The following PRKG1 variants were observed in gnomAD, a reference collection of about 807,000 sequenced individuals.
PRKG1 encodes the protein protein kinase cGMP-dependent 1.
In PRKG1, 35 loss-of-function variants were observed where a neutral mutation model predicts 88.1. The ratio of observed to expected loss-of-function variants is 0.40; its 90% CI spans 0.30 to 0.53. The LOEUF (loss-of-function observed/expected upper bound fraction) is 0.53. Ranked by LOEUF, PRKG1 falls within the 20% of genes least tolerant of loss-of-function variation. The pLI is 0.59. For synonymous variants in PRKG1, 303 were observed against 292.5 expected, an observed-to-expected ratio of 1.04 and a Z score of -0.37; for missense variants, 540 against 839.8, an observed-to-expected ratio of 0.64 and a Z score of 4.41.
chr10:51,446,271 A>G (rs1839270267), intron 2 of PRKG1, among the ~76,000 whole-genome samples: 1 of 151,926 alleles, frequency 6.6e-6, no homozygotes, highest in South Asian at 2.1e-4. Context: ...TCTTTTAACT[A>G]GAAGTGTTCC....
rs1235425100 is a variant in PRKG1 at position 51,669,170 on chromosome 10, T to C, written c.593-135415T>C. Reference sequence around the variant, plus strand: ...CTTCAGCTGCTTTAACAAAATATCATAGACTGGGCGACTTAAACAACAGCC... The same window carrying C: ...CTTCAGCTGCTTTAACAAAATATCACAGACTGGGCGACTTAAACAACAGCC... On this transcript the variant is annotated intron_variant, in intron 3 of 17. Coordinates refer to ENST00000373980, the MANE Select transcript of PRKG1 (RefSeq NM_006258.4). Among the ~76,000 whole-genome samples the C allele has an allele frequency of 2.6e-5, 4 of 152,204 alleles. No homozygotes were observed. The East Asian group carries it at 5.8e-4, about 22-fold the overall frequency.
intron 3 of PRKG1, among the ~76,000 whole-genome samples, chr10:51,618,816 T>C (rs1839132581): frequency 6.6e-6 from 1 of 152,100 alleles, no homozygotes; most frequent in African/African-American, 2.4e-5. Flanking sequence ...TCACCCAGGC[T>C]GGAGTGTAGT....
chr10:52,084,160 C>A (rs1290738126), intron 7 of PRKG1, among the ~76,000 whole-genome samples: 3 of 151,924 alleles, frequency 2.0e-5, no homozygotes, highest in Non-Finnish European at 4.4e-5. Flanking sequence ...ATTAGCAGTG[C>A]ATTTAAAATG....
rs555828427 is a variant in PRKG1, at chr10:51,733,422, C to T, written c.593-71163C>T. On this transcript the variant is annotated intron_variant, in intron 3 of 17. Coordinates refer to ENST00000373980, the MANE Select transcript of PRKG1 (RefSeq NM_006258.4). The stretch of plus-strand genomic sequence containing the variant: ...ATGTTATTAATACTATTAGTTGCAC[C>T]AACTAATAGGAACGTCTTGAACCAA... 2.6e-5 allele frequency among the ~76,000 whole-genome samples: 4 copies of T among 152,150 alleles called. No individual in the cohort carries two copies. The East Asian group carries it at 7.7e-4, about 29-fold the overall frequency.
rs373177451 is a variant in PRKG1, at chr10:51,617,415, T to A, written c.592+149579T>A. Among the ~76,000 whole-genome samples the A allele has an allele frequency of 7.9e-5, 12 of 152,152 alleles. No individual in the cohort carries two copies. The South Asian group carries it at 2.1e-3, about 26-fold the overall frequency. On this transcript the variant is annotated intron_variant, in intron 3 of 17. Coordinates refer to ENST00000373980, the MANE Select transcript of PRKG1 (RefSeq NM_006258.4). Reference sequence around the variant, plus strand: ...GCACTGGTGGTAGCAGCAGGGTGGGTAGGCTCAATCTCAAGCCCCCAAGGT... The same window carrying A: ...GCACTGGTGGTAGCAGCAGGGTGGGAAGGCTCAATCTCAAGCCCCCAAGGT...
intron 3 of PRKG1, among the ~76,000 whole-genome samples, chr10:51,728,939 A>G (rs1842205897): frequency 6.6e-6 from 1 of 152,232 alleles, no homozygotes; most frequent in Non-Finnish European, 1.5e-5. Context: ...TCAGAATTAC[A>G]AATCTCTTAG....
At chr10:52,241,679 A>G (rs1840867011) in intron 9 of PRKG1, among the ~76,000 whole-genome samples, 1 of 152,186 alleles carries the variant, frequency 6.6e-6, no homozygotes, top group Non-Finnish European at 1.5e-5. Flanking sequence ...GAAAAGGTGC[A>G]GCCTGGATTC....
At chr10:52,102,180 T>TTG (rs1412292708) in intron 7 of PRKG1, among the ~76,000 whole-genome samples, 84 of 152,292 alleles carry the variant, frequency 5.5e-4, no homozygotes, top group African/African-American at 2.0e-3. Context: ...TTACAGTTTT[T>TTG]TTTGTTTTGT....
Position 52,208,826 on chromosome 10 carries a change from A to G in PRKG1, c.1077-42744A>G, listed in dbSNP as rs529816918. Among the ~76,000 whole-genome samples, 31 of 152,288 alleles carry G rather than the reference A, an allele frequency of 2.0e-4. No individual in the cohort carries two copies. The East Asian group carries it at 4.8e-3, about 24-fold the overall frequency. ...TTATTTTATAATTTATATATTCTAC[A>G]TAATTTATGTTGTATATAAGTTTAT... is the stretch of plus-strand genomic sequence containing the variant. On this transcript the variant is annotated intron_variant, in intron 9 of 17. Transcript: ENST00000373980.
At chr10:51,527,050 A>G (rs894854181) in intron 3 of PRKG1, among the ~76,000 whole-genome samples, 7 of 152,234 alleles carry the variant, frequency 4.6e-5, no homozygotes, top group African/African-American at 4.8e-5. Context: ...CATAGAAAAT[A>G]CATACATGAA....
At chr10:52,036,463 A>T (rs1045337099) in intron 5 of PRKG1, among the ~76,000 whole-genome samples, 1 of 151,304 alleles carries the variant, frequency 6.6e-6, no homozygotes, top group African/African-American at 2.4e-5. Context: ...GTAGCAGGCA[A>T]GTGATAACAG....
At chr10:51,178,786 A>C (rs1485718356) in intron 2 of PRKG1, among the ~76,000 whole-genome samples, 3 of 152,216 alleles carry the variant, frequency 2.0e-5, no homozygotes, top group Non-Finnish European at 4.4e-5. Context: ...AAGATAATTA[A>C]TTGAAAAAAA....
At chr10:51,970,634 C>G (rs1843686225) in intron 5 of PRKG1, among the ~76,000 whole-genome samples, 1 of 148,768 alleles carries the variant, frequency 6.7e-6, no homozygotes. Context: ...ACTGGTGTAG[C>G]TAGTTTTGAA....
chr10:51,188,722 T>G (rs1837557365), intron 2 of PRKG1, among the ~76,000 whole-genome samples: 1 of 151,818 alleles, frequency 6.6e-6, no homozygotes, highest in African/African-American at 2.4e-5. Flanking sequence ...GTATCCTAAG[T>G]GTACACAAAT....
chr10:52,121,218 G>A lies in PRKG1; in HGVS notation c.936-12622G>A, dbSNP rs573592336. 3.3e-5 allele frequency among the ~76,000 whole-genome samples: 5 copies of A among 152,250 alleles called. No individual in the cohort carries two copies. The East Asian group carries it at 9.7e-4, about 29-fold the overall frequency. On this transcript the variant is annotated intron_variant, in intron 7 of 17. Transcript: ENST00000373980. ...TTTAGAGCATCTCTCTGGAAACCTT[G>A]CCTTCAAGGTCCTGCTCTGGGCCTG...
At chr10:51,280,636 C>G (rs1281719246) in intron 2 of PRKG1, among the ~76,000 whole-genome samples, 11 of 152,196 alleles carry the variant, frequency 7.2e-5, no homozygotes, top group African/African-American at 1.4e-4. Flanking sequence ...CACTGATACC[C>G]TTTCTTCCAG....
intron 5 of PRKG1, among the ~76,000 whole-genome samples, chr10:51,957,473 T>C (rs998327210): frequency 2.0e-5 from 3 of 151,742 alleles, no homozygotes; most frequent in Non-Finnish European, 4.4e-5. Flanking sequence ...TTAAATTTTC[T>C]GTAGAGACAG....
At position 51,564,815 on chromosome 10, in the gene PRKG1, T is replaced by C. The variant is rs376140720; in HGVS notation, c.592+96979T>C. On this transcript the variant is annotated intron_variant, in intron 3 of 17. Transcript: ENST00000373980. ...TCATTCACTCTTCATATTAATGCTT[T>C]AAACAGTTGTAACTTTCTCTCATAA... Among the ~76,000 whole-genome samples the C allele has an allele frequency of 3.9e-5, 6 of 152,136 alleles. No homozygotes were observed. The South Asian group carries it at 1.2e-3, about 31-fold the overall frequency.
At chr10:51,186,275 T>G (rs1274176041) in intron 2 of PRKG1, among the ~76,000 whole-genome samples, 1 of 151,878 alleles carries the variant, frequency 6.6e-6, no homozygotes, top group Non-Finnish European at 1.5e-5. Context: ...TTTTATTTAT[T>G]TTTATATTTT....
Sources: allele counts gnomAD v4.1 joint callset (sites outside exome capture counted in the v4.1 genomes callset), GRCh38; gene constraint gnomAD v4.1.1; transcripts MANE v1.5; gene names NCBI Gene and HGNC (gene_info 2026-07-23, HGNC 2026-07-21).